The following CYP39A1 variants were observed in gnomAD, a reference collection of about 807,000 sequenced individuals.
CYP39A1 encodes the protein 24-hydroxycholesterol 7-alpha-hydroxylase.
Under a neutral mutation model 58.1 loss-of-function variants are expected in CYP39A1, and 49 were observed. The observed-to-expected ratio is 0.84, with a 90% CI of 0.67 to 1.07. The LOEUF (loss-of-function observed/expected upper bound fraction) is 1.07. Among genes scored for constraint, CYP39A1 ranks in the 50% least tolerant of loss-of-function variants. The pLI is 0.00. For synonymous variants in CYP39A1, 209 were observed against 187.6 expected, an observed-to-expected ratio of 1.11 and a Z score of -0.93; for missense variants, 531 against 539.4, an observed-to-expected ratio of 0.98 and a Z score of 0.16.
intron 7 of CYP39A1, among the ~76,000 whole-genome samples, chr6:46,620,677 T>C (rs1313862527): frequency 2.0e-5 from 3 of 151,966 alleles, no homozygotes; most frequent in African/African-American, 7.3e-5. Flanking sequence ...CTGGCACAGG[T>C]AGAAAGCGAA....
chr6:46,581,465 A>G (rs1772131636), intron 10 of CYP39A1, among the ~76,000 whole-genome samples: 1 of 152,100 alleles, frequency 6.6e-6, no homozygotes, highest in South Asian at 2.1e-4. Flanking sequence ...ACATAGTAAC[A>G]CCATGAAATC....
intron 10 of CYP39A1, among the ~76,000 whole-genome samples, chr6:46,567,862 G>GGTGCTGGCAGCATC: frequency 6.6e-6 from 1 of 152,220 alleles, no homozygotes; most frequent in South Asian, 2.1e-4. Context: ...AAAGTTCACT[G>GGTGCTGGCAGCATC]GTGCTGGCAG....
chr6:46,610,137 A>T (rs903122457), intron 7 of CYP39A1, among the ~76,000 whole-genome samples: 12 of 152,206 alleles, frequency 7.9e-5, no homozygotes, highest in East Asian at 1.9e-4. Flanking sequence ...ACAATTTTTT[A>T]AAAAAACTAT....
intron 7 of CYP39A1, among the ~76,000 whole-genome samples, chr6:46,600,731 G>T (rs1318772079): frequency 1.3e-5 from 2 of 152,200 alleles, no homozygotes; most frequent in Non-Finnish European, 2.9e-5. Context: ...AAGCTCCTAT[G>T]CTTGGGACTC....
chr6:46,616,195 C>T (rs190710002), intron 7 of CYP39A1, among the ~76,000 whole-genome samples: 53 of 788 alleles, frequency 0.067, 6 homozygotes, highest in African/African-American at 0.23. Context: ...TTCTTCTTTC[C>T]CTCCCTCCCT....
At chr6:46,628,555 T>C (rs1775457492) in intron 6 of CYP39A1, among the ~76,000 whole-genome samples, 1 of 152,216 alleles carries the variant, frequency 6.6e-6, no homozygotes, top group Non-Finnish European at 1.5e-5. Flanking sequence ...GTTAATATCT[T>C]GGGCCACAAT....
In CYP39A1 at chr6:46,639,567, G is replaced by A. The variant is rs369473480; in HGVS notation, c.415C>T (p.Leu139=). The A allele has an allele frequency of 2.5e-6, 4 of 1,613,968 alleles. No homozygotes were observed. Among genetic ancestry groups the A allele is most frequent in the African/African-American group, 1.3e-5 (1 of 74,900 alleles). Residue 139 remains leucine (L), a synonymous_variant, in exon 3 of 12, where the codon CTG becomes TTG. Coordinates refer to ENST00000275016, the MANE Select transcript of CYP39A1 (RefSeq NM_016593.5). The part of the protein sequence containing the change: ...TVNLHQFTGQ[L]TEELHEQLEN... ...AGTTGTTCATGTAATTCTTCAGTCA[G>A]TTGCCCAGTAAACTGATGGAGATTG...
chr6:46,652,358 A>T (rs776717399), intron 1 of CYP39A1, 48 bp downstream of exon 1: 22 of 1,534,820 alleles, frequency 1.4e-5, no homozygotes, highest in Non-Finnish European at 1.7e-5. Flanking sequence ...AAGTTTAAAA[A>T]AGAAAGCATT....
intron 7 of CYP39A1, among the ~76,000 whole-genome samples, chr6:46,605,940 G>A (rs1056908584): frequency 6.6e-6 from 1 of 152,028 alleles, no homozygotes; most frequent in African/African-American, 2.4e-5. Context: ...GCTATAGGAT[G>A]CCGAAAAGAA....
At position 46,642,262 on chromosome 6, in the gene CYP39A1, G is replaced by T; in HGVS notation, c.214C>A (p.Arg72=). Residue 72 remains arginine, a synonymous_variant, in exon 2 of 12, where the codon CGA becomes AGA. Coordinates refer to ENST00000275016, the MANE Select transcript of CYP39A1 (RefSeq NM_016593.5). Reference sequence around the variant, plus strand: ...TCTTCTTCAGTAACAAAGGTCATTCGGTTTCCCATAGCAAAGACTGTAAAT... The same window carrying T: ...TCTTCTTCAGTAACAAAGGTCATTCTGTTTCCCATAGCAAAGACTGTAAAT... ...PIFTVFAMGN[R]MTFVTEEEGI... 1 of 1,612,662 alleles carries T rather than the reference G, an allele frequency of 6.2e-7. No homozygotes were observed. The highest frequency in any genetic ancestry group is 8.5e-7 in the Non-Finnish European group (1 of 1,179,244).
At chr6:46,647,265 G>T (rs1250114605) in intron 1 of CYP39A1, among the ~76,000 whole-genome samples, 3 of 152,184 alleles carry the variant, frequency 2.0e-5, no homozygotes, top group Admixed American at 2.0e-4. Flanking sequence ...CAGAAAAATT[G>T]AAAGGGATAG....
At position 46,623,016 on chromosome 6, in the gene CYP39A1, G is replaced by C. The variant is rs914892250; in HGVS notation, c.931+2402C>G. Among the ~76,000 whole-genome samples, 6 of 152,160 alleles carry C rather than the reference G, an allele frequency of 3.9e-5. 1 individual carries two copies. The highest frequency in any genetic ancestry group is 1.4e-4 in the African/African-American group (6 of 41,442). ...AGAAAGTTGGGCAAAGTGCCTAGAA[G>C]TGAGTGTTGAAGCCACAGAGATACA... On this transcript the variant is annotated intron_variant, in intron 7 of 11. Transcript: ENST00000275016.
chr6:46,604,766 G>T (rs1375686769), intron 7 of CYP39A1, among the ~76,000 whole-genome samples: 1 of 152,056 alleles, frequency 6.6e-6, no homozygotes, highest in Non-Finnish European at 1.5e-5. Context: ...TGTAACTTTT[G>T]ATATGTATTT....
intron 8 of CYP39A1, among the ~76,000 whole-genome samples, chr6:46,589,788 G>C (rs1205982960): frequency 6.6e-6 from 1 of 152,122 alleles, no homozygotes; most frequent in African/African-American, 2.4e-5. Context: ...TTTGAGAGCA[G>C]GGTTGGGGGC....
At chr6:46,618,685 T>C (rs1378467501) in intron 7 of CYP39A1, among the ~76,000 whole-genome samples, 29 of 152,100 alleles carry the variant, frequency 1.9e-4, no homozygotes, top group Non-Finnish European at 1.0e-4. Flanking sequence ...ACTAGGTGTA[T>C]TACGTATTTT....
chr6:46,556,530 C>T (rs1431919955), intron 10 of CYP39A1, among the ~76,000 whole-genome samples: 1 of 152,044 alleles, frequency 6.6e-6, no homozygotes, highest in Admixed American at 6.6e-5. Context: ...AATCAAAGCA[C>T]AAGAAGCTGA....
chr6:46,625,460 T>C lies in CYP39A1; in HGVS notation c.889A>G (p.Lys297Glu). Residue 297 changes from lysine to glutamate, a missense_variant, in exon 7 of 12, where the codon AAG becomes GAG. Transcript: ENST00000275016. ...GAAGATATGCCTTCCATAATGGCCTTGTGGATATCAGGATGAGAAAGGACG... is the reference window on the plus strand; with the variant it reads ...GAAGATATGCCTTCCATAATGGCCTCGTGGATATCAGGATGAGAAAGGACG... Reference protein sequence around the residue: ...AYVLSHPDIHKAIMEGISSVF... With the variant: ...AYVLSHPDIHEAIMEGISSVF... 4 of 1,611,392 alleles carry C rather than the reference T, an allele frequency of 2.5e-6. No individual in the cohort carries two copies. Among genetic ancestry groups the C allele is most frequent in the Non-Finnish European group, 2.5e-6 (3 of 1,178,550 alleles).
intron 7 of CYP39A1, among the ~76,000 whole-genome samples, chr6:46,605,467 T>A (rs972553132): frequency 6.6e-6 from 1 of 152,318 alleles, no homozygotes; most frequent in Middle Eastern, 3.4e-3. Flanking sequence ...ATATTTTTAA[T>A]ATTTTAATAA....
chr6:46,554,279 G>A (rs1447505249), intron 10 of CYP39A1, among the ~76,000 whole-genome samples: 1 of 152,154 alleles, frequency 6.6e-6, no homozygotes, highest in Non-Finnish European at 1.5e-5. Flanking sequence ...AGCTGCATGT[G>A]GTTACAGGCT....
Sources: gnomAD v4.1 joint callset for allele counts (sites outside exome capture counted in the v4.1 genomes callset) on GRCh38, gnomAD v4.1.1 for gene constraint, MANE v1.5 for transcripts, NCBI Gene and HGNC (gene_info 2026-07-23, HGNC 2026-07-21) for gene names.